Variants in SOX6 observed in about 807,000 individuals in gnomAD.
SOX6 encodes the protein SRY-box transcription factor 6, also known as transcription factor SOX-6.
In SOX6, 11 loss-of-function variants were observed where a neutral mutation model predicts 97.8. The observed-to-expected ratio is 0.11, with a 90% CI of 0.07 to 0.19. SOX6 has a LOEUF of 0.19. SOX6 is among the 10% of genes least tolerant of loss of function. SOX6 has a pLI of 1.00. For missense variants in SOX6, 810 were observed against 1,039.5 expected (o/e 0.78, Z 3.04); for synonymous variants, 360 against 371.4 (o/e 0.97, Z 0.35).
At chr11:16,720,665 C>T (rs1208102013) in intron 2 of SOX6, among the ~76,000 whole-genome samples, 1 of 144,790 alleles carries the variant, frequency 6.9e-6, no homozygotes, top group Non-Finnish European at 1.5e-5. Context: ...GCACATTGTG[C>T]ACATGTACCC....
rs762598008 is a variant in SOX6, at chr11:16,111,871, C to T, written c.830G>A (p.Arg277Gln). 5.7e-5 allele frequency: 92 copies of T among 1,612,510 alleles called. No individual in the cohort carries two copies. Among genetic ancestry groups the T allele is most frequent in the Non-Finnish European group, 6.2e-5 (73 of 1,179,944 alleles). Residue 277 changes from arginine to glutamine, a missense_variant, in exon 7 of 16, where the codon CGG becomes CAG. Physicochemically the swap from Arg to Gln is conservative, Grantham distance 43 (BLOSUM62 1). This residue lies in a region of SOX6 where 244 missense variants were observed against 261.0 expected (regional missense o/e 0.93). Coordinates refer to ENST00000683767, the MANE Select transcript of SOX6 (RefSeq NM_001367873.1). ...LMIPIFPHDQ[R>Q]TLAAAAAAQQ... is the part of the protein sequence containing the mutation. ...GGCAGCAGCAGCTGCTGCCAGAGTC[C>T]GCTGGTCATGTGGAAAAATTGGGAT...
chr11:16,421,915 AT>A (rs767969294), intron 1 of SOX6, among the ~76,000 whole-genome samples: 52 of 152,306 alleles, frequency 3.4e-4, no homozygotes, highest in Non-Finnish European at 6.6e-4. Context: ...AAACAGAACC[AT>A]TTGGAAAATA....
intron 6 of SOX6, among the ~76,000 whole-genome samples, chr11:16,116,701 C>G (rs1245638639): frequency 6.6e-6 from 1 of 152,156 alleles, no homozygotes; most frequent in Admixed American, 6.5e-5. Context: ...TCTCCAACCC[C>G]TGGGCTGTGG....
intron 12 of SOX6, among the ~76,000 whole-genome samples, chr11:16,032,961 A>G (rs1252041212): frequency 1.3e-5 from 2 of 152,096 alleles, no homozygotes; most frequent in African/African-American, 4.8e-5. Flanking sequence ...TTTTATCTTC[A>G]TTAGCTTAAT....
chr11:16,609,649 T>G (rs1848373985), intron 4 of SOX6, among the ~76,000 whole-genome samples: 1 of 152,202 alleles, frequency 6.6e-6, no homozygotes, highest in Non-Finnish European at 1.5e-5. Flanking sequence ...TGGAACAAGC[T>G]GAGCTGTCGA....
At chr11:16,467,766 A>G (rs1860069192) in intron 1 of SOX6, among the ~76,000 whole-genome samples, 1 of 152,162 alleles carries the variant, frequency 6.6e-6, no homozygotes, top group African/African-American at 2.4e-5. Context: ...TAAACCCTGC[A>G]CATGTACCCC....
At chr11:15,990,362 G>T (rs893591882) in intron 13 of SOX6, among the ~76,000 whole-genome samples, 1 of 151,446 alleles carries the variant, frequency 6.6e-6, no homozygotes, top group Non-Finnish European at 1.5e-5. Context: ...GTTGTTTAAG[G>T]GTAGTTCTTT....
intron 12 of SOX6, among the ~76,000 whole-genome samples, chr11:16,026,985 T>C (rs1855232428): frequency 6.6e-6 from 1 of 152,146 alleles, no homozygotes. Flanking sequence ...ATTGTATGGT[T>C]TTCCAAAGAT....
intron 1 of SOX6, among the ~76,000 whole-genome samples, chr11:16,367,128 A>C (rs528684936): frequency 6.6e-6 from 1 of 152,304 alleles, no homozygotes; most frequent in African/African-American, 2.4e-5. Flanking sequence ...GACAAGTTCT[A>C]AGATATAGTT....
intron 12 of SOX6, among the ~76,000 whole-genome samples, chr11:16,017,156 C>T (rs1374918647): frequency 1.3e-5 from 2 of 151,838 alleles, no homozygotes; most frequent in Non-Finnish European, 2.9e-5. Flanking sequence ...AAATGAAGTG[C>T]ACTCACAATT....
intron 2 of SOX6, among the ~76,000 whole-genome samples, chr11:16,719,754 C>G (rs1040687634): frequency 1.3e-5 from 2 of 151,982 alleles, no homozygotes; most frequent in African/African-American, 4.8e-5. Context: ...TGAGACCTCA[C>G]CTCTACAAAA....
At chr11:15,978,678 A>G (rs969408381) in intron 15 of SOX6, among the ~76,000 whole-genome samples, 1 of 149,808 alleles carries the variant, frequency 6.7e-6, no homozygotes, top group African/African-American at 2.4e-5. Context: ...TATGCTGACA[A>G]CGTCCCAATT....
chr11:16,568,003 T>C (rs1847893871), intron 4 of SOX6, among the ~76,000 whole-genome samples: 1 of 152,094 alleles, frequency 6.6e-6, no homozygotes, highest in South Asian at 2.1e-4. Flanking sequence ...ACTGTCCACA[T>C]GGATGGCTAA....
rs558392870 is a variant in SOX6, at chr11:16,610,806, C to A, written n.609+1275G>T. ...AATGAAGAGGGAGAGGCGGAGAGCG[C>A]AGCAGCCTGCTAAAGTAAAGTGCTG... On this transcript the variant is annotated intron_variant and non_coding_transcript_variant, in intron 4 of 5. Transcript: ENST00000524520. This position sits in a 1 kb window ranked among gnomAD's most constrained non-coding sequence, Gnocchi z 4.4. Among the ~76,000 whole-genome samples the A allele has an allele frequency of 6.6e-6, 1 of 152,286 alleles. No homozygotes were observed. The highest frequency in any genetic ancestry group is 2.4e-5 in the African/African-American group (1 of 41,574).
intron 1 of SOX6, among the ~76,000 whole-genome samples, chr11:16,456,063 T>C (rs1453436118): frequency 6.6e-6 from 1 of 152,114 alleles, no homozygotes; most frequent in Non-Finnish European, 1.5e-5. Flanking sequence ...AAGATGTCGA[T>C]TTATTGTAAC....
At chr11:16,097,265 T>C (rs1363760062) in intron 8 of SOX6, among the ~76,000 whole-genome samples, 2 of 151,876 alleles carry the variant, frequency 1.3e-5, no homozygotes, top group Non-Finnish European at 2.9e-5. Flanking sequence ...AATTTTTATA[T>C]GCAAAAGCTA....
intron 3 of SOX6, among the ~76,000 whole-genome samples, chr11:16,673,145 A>G (rs1378986185): frequency 6.6e-6 from 1 of 152,204 alleles, no homozygotes; most frequent in Admixed American, 6.5e-5. Context: ...GTTTATAGCT[A>G]TAAGCACCTA....
At chr11:16,144,752 G>A (rs1311947039) in intron 6 of SOX6, among the ~76,000 whole-genome samples, 1 of 152,180 alleles carries the variant, frequency 6.6e-6, no homozygotes, top group African/African-American at 2.4e-5. Context: ...AAATCTAGAA[G>A]AAATGGATAA....
At chr11:16,517,686 T>C (rs1860994917) in intron 4 of SOX6, among the ~76,000 whole-genome samples, 1 of 152,160 alleles carries the variant, frequency 6.6e-6, no homozygotes, top group Non-Finnish European at 1.5e-5. Context: ...ATCAGATACA[T>C]GGGCATCAAA....
Sources: gnomAD v4.1 joint callset for allele counts (sites outside exome capture counted in the v4.1 genomes callset) on GRCh38, gnomAD v4.1.1 for gene constraint, gnomAD v4.1.1 regional missense constraint, Gnocchi (gnomAD v3.1) non-coding constraint, MANE v1.5 for transcripts, NCBI Gene and HGNC (gene_info 2026-07-23, HGNC 2026-07-21) for gene names.